Variants in PDSS2 observed in about 807,000 individuals in gnomAD.
The protein encoded by PDSS2 is decaprenyl diphosphate synthase subunit 2.
Under a neutral mutation model 44.5 loss-of-function variants are expected in PDSS2, and 31 were observed. The ratio of observed to expected loss-of-function variants is 0.70; its 90% CI spans 0.52 to 0.94. PDSS2 has a LOEUF of 0.94. Ranked by LOEUF, PDSS2 falls within the 40% of genes least tolerant of loss-of-function variation. PDSS2 has a pLI of 0.00. For missense variants in PDSS2, 452 were observed against 482.2 expected (o/e 0.94, Z 0.59); for synonymous variants, 157 against 180.3 (o/e 0.87, Z 1.03).
Position 107,456,754 on chromosome 6 carries a change from G to C in PDSS2, c.296+2236C>G, listed in dbSNP as rs1011925339. On this transcript the variant is annotated intron_variant, in intron 1 of 7. Transcript: ENST00000369037. Reference sequence around the variant, plus strand: ...GATAGGGTTTTGCTATGTTGCCCAGGCTGGTCTCGAACTCCTGGGCTCAAG... The same window carrying C: ...GATAGGGTTTTGCTATGTTGCCCAGCCTGGTCTCGAACTCCTGGGCTCAAG... Among the ~76,000 whole-genome samples the C allele has an allele frequency of 1.2e-4, 18 of 152,192 alleles. No individual in the cohort carries two copies. The East Asian group carries it at 1.9e-3, about 16-fold the overall frequency.
At chr6:107,404,008 G>C (rs1780229574) in intron 1 of PDSS2, among the ~76,000 whole-genome samples, 1 of 152,154 alleles carries the variant, frequency 6.6e-6, no homozygotes, top group Non-Finnish European at 1.5e-5. Flanking sequence ...AGCATCATCA[G>C]GCTGCAATTT....
intron 3 of PDSS2, among the ~76,000 whole-genome samples, chr6:107,263,446 G>GAAAA (rs779892021): frequency 7.7e-6 from 1 of 130,296 alleles, no homozygotes. Context: ...GAGCAAGACT[G>GAAAA]AAAAAAAAAA....
intron 3 of PDSS2, among the ~76,000 whole-genome samples, chr6:107,254,181 C>G (rs2114845428): frequency 1.3e-5 from 2 of 151,548 alleles, no homozygotes; most frequent in South Asian, 4.2e-4. Context: ...TTACAGGCGT[C>G]CACCACCATA....
intron 1 of PDSS2, among the ~76,000 whole-genome samples, chr6:107,366,988 G>GTACT (rs1778977497): frequency 6.6e-6 from 1 of 152,060 alleles, no homozygotes. Context: ...TCTGAGGTCA[G>GTACT]TACTTACCCT....
At chr6:107,244,535 G>C (rs895861521) in intron 4 of PDSS2, among the ~76,000 whole-genome samples, 22 of 152,124 alleles carry the variant, frequency 1.4e-4, no homozygotes, top group Non-Finnish European at 2.4e-4. Context: ...ATGCTGCTTA[G>C]GTGAGGCCAG....
intron 7 of PDSS2, among the ~76,000 whole-genome samples, chr6:107,170,908 C>T (rs1342113982): frequency 1.3e-5 from 2 of 152,092 alleles, no homozygotes; most frequent in Non-Finnish European, 2.9e-5. Flanking sequence ...CCACTGCACC[C>T]AGCCAGGTTT....
At chr6:107,439,711 T>C (rs1781459807) in intron 1 of PDSS2, among the ~76,000 whole-genome samples, 1 of 152,194 alleles carries the variant, frequency 6.6e-6, no homozygotes, top group Non-Finnish European at 1.5e-5. Flanking sequence ...TTCACTTTAC[T>C]TGAAAATATG....
At chr6:107,274,329 C>A in intron 2 of PDSS2, 102 bp from the exon 3 acceptor site, 1 of 935,526 alleles carries the variant, frequency 1.1e-6, no homozygotes, top group Non-Finnish European at 1.7e-6. Context: ...AGGTTGCCCC[C>A]CACTTTTTTT....
chr6:107,166,261 C>G (rs1211810532), intron 7 of PDSS2, among the ~76,000 whole-genome samples: 4 of 151,768 alleles, frequency 2.6e-5, no homozygotes, highest in South Asian at 4.2e-4. Context: ...AACGGGAATG[C>G]TTCCAGTTTT....
At chr6:107,358,876 G>A (rs934832304) in intron 1 of PDSS2, among the ~76,000 whole-genome samples, 5 of 152,000 alleles carry the variant, frequency 3.3e-5, no homozygotes, top group Non-Finnish European at 7.4e-5. Context: ...ATGTCCCCAG[G>A]AGGGCAAAAC....
chr6:107,176,058 T>C (rs562293685), intron 7 of PDSS2, among the ~76,000 whole-genome samples: 9 of 152,066 alleles, frequency 5.9e-5, no homozygotes, highest in Non-Finnish European at 8.8e-5. Flanking sequence ...TATTTATTTA[T>C]TGAGATAGAG....
intron 3 of PDSS2, among the ~76,000 whole-genome samples, chr6:107,269,491 T>A (rs1188000244): frequency 6.6e-6 from 1 of 152,054 alleles, no homozygotes; most frequent in Non-Finnish European, 1.5e-5. Context: ...TTGTTACTGT[T>A]TATATCATTC....
chr6:107,319,601 G>A (rs1443286781), intron 2 of PDSS2, among the ~76,000 whole-genome samples: 1 of 152,218 alleles, frequency 6.6e-6, no homozygotes, highest in Admixed American at 6.5e-5. Flanking sequence ...ATATTCAACA[G>A]ATAACAGAGA....
At chr6:107,231,270 A>T (rs926588909) in intron 4 of PDSS2, among the ~76,000 whole-genome samples, 2 of 152,224 alleles carry the variant, frequency 1.3e-5, no homozygotes, top group East Asian at 3.8e-4. Flanking sequence ...GGGGCTTAGC[A>T]TCAAAATAAA....
At chr6:107,164,264 C>T (rs1403627069) in intron 7 of PDSS2, among the ~76,000 whole-genome samples, 1 of 152,062 alleles carries the variant, frequency 6.6e-6, no homozygotes, top group Non-Finnish European at 1.5e-5. Context: ...TGTGCTGCAT[C>T]CACTAACTCG....
At chr6:107,184,222 C>T (rs573639219) in intron 7 of PDSS2, among the ~76,000 whole-genome samples, 1 of 152,260 alleles carries the variant, frequency 6.6e-6, no homozygotes, top group East Asian at 1.9e-4. Flanking sequence ...GTGAAAAAGT[C>T]TCAGAGCCAG....
At chr6:107,184,557 T>G (rs79726262) in intron 7 of PDSS2, among the ~76,000 whole-genome samples, 361 of 152,342 alleles carry the variant, frequency 2.4e-3, no homozygotes, top group African/African-American at 8.1e-3. Flanking sequence ...CATTACTGTT[T>G]GCTGGTGGGA....
chr6:107,288,730 T>A (rs1314033150), intron 2 of PDSS2, among the ~76,000 whole-genome samples: 4 of 148,238 alleles, frequency 2.7e-5, no homozygotes, highest in African/African-American at 1.0e-4. Context: ...GGCTGGACAA[T>A]ATGAAGATGC....
chr6:107,325,489 A>G (rs1777515907), intron 2 of PDSS2, among the ~76,000 whole-genome samples: 1 of 152,228 alleles, frequency 6.6e-6, no homozygotes, highest in Admixed American at 6.5e-5. Flanking sequence ...TGTCCATTTG[A>G]ACAGATGGCA....
Sources: allele counts gnomAD v4.1 joint callset (sites outside exome capture counted in the v4.1 genomes callset), GRCh38; gene constraint gnomAD v4.1.1; transcripts MANE v1.5; gene names NCBI Gene and HGNC (gene_info 2026-07-23, HGNC 2026-07-21).